The following SPA17 variants were observed in gnomAD, a reference collection of about 807,000 sequenced individuals.
SPA17 encodes sperm autoantigenic protein 17, also known as sperm surface protein Sp17.
SPA17 carries 7 observed loss-of-function variants against 13.8 expected under a neutral mutation model. The observed-to-expected ratio is 0.51, with a 90% confidence interval of 0.29 to 0.95. The LOEUF (loss-of-function observed/expected upper bound fraction) is 0.95, where lower values mean the gene tolerates loss of function less well. Among genes scored for constraint, SPA17 ranks in the 40% least tolerant of loss-of-function variants. The pLI is 0.08. For synonymous variants in SPA17, 61 were observed against 59.0 expected (o/e 1.03, Z -0.16); for missense variants, 170 against 179.3 (o/e 0.95, Z 0.30).
intron 4 of SPA17, among the ~76,000 whole-genome samples, chr11:124,693,485 C>CATATATATATAT (rs142153211): frequency 7.4e-5 from 11 of 148,000 alleles, no homozygotes; most frequent in African/African-American, 2.5e-4. Flanking sequence ...AATAAAAAGA[C>CATATATATATAT]ATATATATAT....
intron 3 of SPA17, among the ~76,000 whole-genome samples, chr11:124,685,678 A>G (rs982574290): frequency 2.6e-4 from 39 of 152,336 alleles, no homozygotes; most frequent in African/African-American, 8.4e-4. Flanking sequence ...AGCCACAGAG[A>G]TAGAGCTTCC....
chr11:124,691,882 C>A, intron 4 of SPA17, 100 bp downstream of exon 4: 2 of 659,838 alleles, frequency 3.0e-6, no homozygotes, highest in South Asian at 3.6e-5. Flanking sequence ...TCTTTATTGT[C>A]AAAATTATGA....
intron 3 of SPA17, among the ~76,000 whole-genome samples, chr11:124,685,086 A>G (rs1943565515): frequency 1.3e-5 from 2 of 152,250 alleles, no homozygotes; most frequent in South Asian, 2.1e-4. Flanking sequence ...TCACCAAGAC[A>G]ATGGGGAAAA....
intron 2 of SPA17, among the ~76,000 whole-genome samples, chr11:124,676,974 A>G (rs1174289866): frequency 6.6e-6 from 1 of 152,218 alleles, no homozygotes; most frequent in Non-Finnish European, 1.5e-5. Context: ...TATAAGATTA[A>G]CTACAAATTC....
chr11:124,694,517 T>A lies in SPA17; in HGVS notation c.*71T>A, dbSNP rs1774201409. 1 of 1,523,644 alleles carries A rather than the reference T, an allele frequency of 6.6e-7. No individual in the cohort carries two copies. Among genetic ancestry groups the A allele is most frequent in the Non-Finnish European group, 8.8e-7 (1 of 1,133,076 alleles). The allele number at this position is 1,523,644 out of a possible 1,614,324, so 94.4% of individuals were successfully genotyped here. A position where few individuals can be genotyped will look rare whatever the true frequency, so the allele number is the denominator to read the frequency against. ...CATCAACCTTCTTATTAATGTCATT[T>A]CTTCCTGAGGAAGGAAGATTTGATG... is the stretch of plus-strand genomic sequence containing the variant. On this transcript the variant is annotated 3_prime_UTR_variant, in exon 5 of 5. Coordinates refer to ENST00000227135, the MANE Select transcript of SPA17 (RefSeq NM_017425.4).
At chr11:124,673,989 A>C in intron 1 of SPA17, 37 bp downstream of exon 1, 4 of 490,978 alleles carry the variant, frequency 8.1e-6, no homozygotes, top group East Asian at 3.5e-5. Context: ...CGATACCAAG[A>C]CCTAGCCTTT....
At chr11:124,684,651 G>A (rs886466688) in intron 3 of SPA17, among the ~76,000 whole-genome samples, 2 of 152,170 alleles carry the variant, frequency 1.3e-5, no homozygotes, top group African/African-American at 4.8e-5. Context: ...AGAGAGGTTC[G>A]AACTCTTTGG....
At chr11:124,688,583 A>G (rs1317450124) in intron 3 of SPA17, among the ~76,000 whole-genome samples, 1 of 152,238 alleles carries the variant, frequency 6.6e-6, no homozygotes, top group African/African-American at 2.4e-5. Flanking sequence ...CCAATTGAAG[A>G]TGACACAAGC....
Position 124,694,487 on chromosome 11 carries a change from A to G in SPA17, c.*41A>G. 6.4e-7 allele frequency: 1 copy of G among 1,565,678 alleles called. No individual in the cohort carries two copies. On this transcript the variant is annotated 3_prime_UTR_variant, in exon 5 of 5. Coordinates refer to ENST00000227135, the MANE Select transcript of SPA17 (RefSeq NM_017425.4). ...CTCCAGGAAACATGAAAAATAATCC[A>G]AATCCATCAACCTTCTTATTAATGT...
In SPA17 at chr11:124,696,966, C is replaced by G. The variant is rs1422912521; in HGVS notation, c.*2520C>G. 2 of 152,204 alleles carry G rather than the reference C, an allele frequency of 1.3e-5. No individual in the cohort carries two copies. The highest frequency in any genetic ancestry group is 2.9e-5 in the Non-Finnish European group (2 of 68,038). 9.4% of individuals were successfully genotyped at this position (152,204 alleles called of 1,614,324 possible). A position where few individuals can be genotyped will look rare whatever the true frequency, so the allele number is the denominator to read the frequency against. ...TCCATTCAAAAATGGCTGCTCCATT[C>G]TTCCATTTGCTCAGGCCAAAAACCT... is the stretch of plus-strand genomic sequence containing the variant. On this transcript the variant is annotated 3_prime_UTR_variant, in exon 5 of 5. Transcript: ENST00000227135.
intron 3 of SPA17, among the ~76,000 whole-genome samples, chr11:124,688,113 A>G (rs483946): frequency 0.19 from 28,154 of 152,172 alleles, 3,370 homozygotes; most frequent in East Asian, 0.48. Context: ...TACTGTGCTC[A>G]AGGGAATCTC....
chr11:124,697,349 T>A lies in SPA17; in HGVS notation c.*2903T>A, dbSNP rs1168951911. The A allele has an allele frequency of 6.6e-6, 1 of 152,306 alleles. No individual in the cohort carries two copies. Among genetic ancestry groups the A allele is most frequent in the Non-Finnish European group, 1.5e-5 (1 of 68,112 alleles). 9.4% of individuals were successfully genotyped at this position (152,306 alleles called of 1,614,324 possible). A position where few individuals can be genotyped will look rare whatever the true frequency, so the allele number is the denominator to read the frequency against. On this transcript the variant is annotated 3_prime_UTR_variant, in exon 5 of 5. Transcript: ENST00000227135. ...GTGGGTTTGTGGGCTGACAGGAAGG[T>A]CTGCTTCAGGCTGTGGGCCCAAGGG...
intron 3 of SPA17, among the ~76,000 whole-genome samples, chr11:124,689,119 A>G (rs1591407252): frequency 6.6e-6 from 1 of 152,184 alleles, no homozygotes; most frequent in East Asian, 1.9e-4. Context: ...TATGTAGAAA[A>G]ATGAAATTGG....
chr11:124,676,290 A>C (rs1943463997), intron 2 of SPA17: 1 of 152,242 alleles, frequency 6.6e-6, no homozygotes, highest in African/African-American at 2.4e-5. Context: ...ACTGCACTCC[A>C]TCCTGGGCAC....
rs1415005340 is a variant in SPA17 at position 124,697,283 on chromosome 11, G to A, written c.*2837G>A. The A allele has an allele frequency of 4.6e-5, 7 of 152,234 alleles. No individual in the cohort carries two copies. The highest frequency in any genetic ancestry group is 1.2e-4 in the African/African-American group (5 of 41,436). The allele number at this position is 152,234 out of a possible 1,614,324, so 9.4% of individuals were successfully genotyped here. A position where few individuals can be genotyped will look rare whatever the true frequency, so the allele number is the denominator to read the frequency against. ...AGTGGTAATGTAGCTAAGCTAGGCT[G>A]GACTACAATCTCAAGGTTAGGTTCA... On this transcript the variant is annotated 3_prime_UTR_variant, in exon 5 of 5. Coordinates refer to ENST00000227135, the MANE Select transcript of SPA17 (RefSeq NM_017425.4).
intron 2 of SPA17, among the ~76,000 whole-genome samples, chr11:124,678,516 C>CTGTGTGTGTGTGTGTGTGTGTGTGTG (rs60663679): frequency 1.4e-5 from 2 of 143,260 alleles, no homozygotes; most frequent in African/African-American, 5.1e-5. Flanking sequence ...GAATACATAA[C>CTGTGTGTGTGTGTGTGTGTGTGTGTG]TGTGTGTGTG....
At chr11:124,682,170 A>T (rs951270064) in intron 3 of SPA17, among the ~76,000 whole-genome samples, 1 of 152,134 alleles carries the variant, frequency 6.6e-6, no homozygotes, top group African/African-American at 2.4e-5. Context: ...CTGGTTAGGT[A>T]CCATCCTTGG....
At chr11:124,681,029 A>G (rs1187562160) in intron 2 of SPA17, among the ~76,000 whole-genome samples, 2 of 152,072 alleles carry the variant, frequency 1.3e-5, no homozygotes, top group African/African-American at 4.8e-5. Context: ...ACAACTTAGC[A>G]TTTAGGTTTA....
At chr11:124,687,053 A>T (rs1943584429) in intron 3 of SPA17, among the ~76,000 whole-genome samples, 1 of 152,194 alleles carries the variant, frequency 6.6e-6, no homozygotes, top group African/African-American at 2.4e-5. Context: ...TAGACTAACC[A>T]AGAAGAGAGA....
Sources: gnomAD v4.1 joint callset for allele counts (sites outside exome capture counted in the v4.1 genomes callset) on GRCh38, gnomAD v4.1.1 for gene constraint, MANE v1.5 for transcripts, NCBI Gene and HGNC (gene_info 2026-07-23, HGNC 2026-07-21) for gene names.